Variants in ZDHHC17 observed in about 807,000 individuals in gnomAD.
ZDHHC17 encodes the protein palmitoyltransferase ZDHHC17.
Under a neutral mutation model 90.3 loss-of-function variants are expected in ZDHHC17, and 40 were observed. The ratio of observed to expected loss-of-function variants is 0.44; its 90% CI spans 0.34 to 0.58. ZDHHC17 has a LOEUF of 0.58. Among genes scored for constraint, ZDHHC17 ranks in the 20% least tolerant of loss-of-function variants. The pLI is 0.01. For synonymous variants in ZDHHC17, 235 were observed against 252.4 expected, an observed-to-expected ratio of 0.93 and a Z score of 0.65; for missense variants, 614 against 780.8, an observed-to-expected ratio of 0.79 and a Z score of 2.55.
At chr12:76,768,667 A>G (rs149777193) in intron 1 of ZDHHC17, among the ~76,000 whole-genome samples, 1,683 of 152,306 alleles carry the variant, frequency 0.011, 11 homozygotes, top group Non-Finnish European at 0.017. Flanking sequence ...ATGTTGGTCT[A>G]CTGGTCCAGC....
intron 1 of ZDHHC17, among the ~76,000 whole-genome samples, chr12:76,765,769 C>T (rs201747406): frequency 6.6e-6 from 1 of 152,200 alleles, no homozygotes; most frequent in African/African-American, 2.4e-5. Context: ...GACACGATGA[C>T]AGCTCACTGC....
chr12:76,844,406 A>G (rs1953469620), intron 12 of ZDHHC17: 1 of 152,168 alleles, frequency 6.6e-6, no homozygotes, highest in African/African-American at 2.4e-5. Flanking sequence ...GAGCTTTCTT[A>G]AAAACGAATT....
intron 14 of ZDHHC17, among the ~76,000 whole-genome samples, chr12:76,847,168 T>C (rs1396631256): frequency 6.6e-6 from 1 of 152,250 alleles, no homozygotes; most frequent in Admixed American, 6.5e-5. Flanking sequence ...AATAAGTTGT[T>C]ATTCCATCAT....
At chr12:76,764,804 T>A (rs1024746435) in intron 1 of ZDHHC17, 1 of 456,986 alleles carries the variant, frequency 2.2e-6, no homozygotes, top group African/African-American at 2.0e-5. Flanking sequence ...CATAGTGATG[T>A]CCTTCCAGGT....
intron 1 of ZDHHC17, among the ~76,000 whole-genome samples, chr12:76,782,369 C>G (rs2369350): frequency 0.14 from 21,868 of 152,110 alleles, 1,956 homozygotes; most frequent in Non-Finnish European, 0.2. Context: ...TTATGGAAGG[C>G]CCAGAGACTG....
chr12:76,826,873 T>C, intron 8 of ZDHHC17, 35 bp from the exon 9 acceptor site: 1 of 1,493,936 alleles, frequency 6.7e-7, no homozygotes, highest in Non-Finnish European at 8.8e-7. Flanking sequence ...ACTTGAAACA[T>C]GCAAAAACTT....
intron 8 of ZDHHC17, 116 bp downstream of exon 8, chr12:76,822,647 C>T (rs995433950): frequency 2.9e-5 from 22 of 769,772 alleles, no homozygotes; most frequent in Non-Finnish European, 3.2e-5. Flanking sequence ...CCCTGCCTCT[C>T]GGTTTAAAGT....
Position 76,853,284 on chromosome 12 carries a change from T to C in ZDHHC17, c.*2299T>C, listed in dbSNP as rs1953585989. The C allele has an allele frequency of 2.0e-5, 3 of 152,424 alleles. No homozygotes were observed. The highest frequency in any genetic ancestry group is 7.2e-5 in the African/African-American group (3 of 41,424). The allele number at this position is 152,424 out of a possible 1,614,324, so 9.4% of individuals were successfully genotyped here. On this transcript the variant is annotated 3_prime_UTR_variant, in exon 17 of 17. Transcript: ENST00000426126. The stretch of plus-strand genomic sequence containing the variant: ...CAGTATACCATCTGTTTAATTATTT[T>C]GTAGGTCCTGTGTGTGGAACCAACT...
chr12:76,849,671 TA>T (rs1367274112), intron 16 of ZDHHC17: 15 of 378,590 alleles, frequency 4.0e-5, no homozygotes, highest in African/African-American at 3.0e-4. Context: ...TATCTCCTTA[TA>T]TTTTTTTCTT....
chr12:76,799,029 C>T (rs1175942068), intron 2 of ZDHHC17, among the ~76,000 whole-genome samples: 5 of 152,202 alleles, frequency 3.3e-5, no homozygotes, highest in South Asian at 4.1e-4. Context: ...CCCAGCTACT[C>T]GGAAGGCTGA....
chr12:76,849,237 G>T, intron 15 of ZDHHC17, 139 bp from the exon 16 acceptor site: 1 of 455,586 alleles, frequency 2.2e-6, no homozygotes, highest in Non-Finnish European at 3.8e-6. Flanking sequence ...GGAGGTGGCG[G>T]GGGTGGAATC....
At chr12:76,823,246 C>T (rs2137779864) in intron 8 of ZDHHC17, among the ~76,000 whole-genome samples, 1 of 152,266 alleles carries the variant, frequency 6.6e-6, no homozygotes, top group East Asian at 1.9e-4. Context: ...TCTTTTTAAA[C>T]TACTCACAAC....
At chr12:76,790,983 AT>A (rs1197375676) in intron 1 of ZDHHC17, among the ~76,000 whole-genome samples, 1 of 152,218 alleles carries the variant, frequency 6.6e-6, no homozygotes, top group Non-Finnish European at 1.5e-5. Context: ...ACACAAAGAA[AT>A]GATCAATGTT....
chr12:76,816,389 A>G (rs1953087476), intron 7 of ZDHHC17, among the ~76,000 whole-genome samples: 1 of 152,010 alleles, frequency 6.6e-6, no homozygotes, highest in African/African-American at 2.4e-5. Flanking sequence ...ATGCAATAAG[A>G]TTCTATTGCT....
chr12:76,770,275 A>T (rs956996241), intron 1 of ZDHHC17, among the ~76,000 whole-genome samples: 3 of 152,224 alleles, frequency 2.0e-5, no homozygotes, highest in African/African-American at 7.2e-5. Context: ...TAGAGTGGCT[A>T]AAATAATTAG....
At chr12:76,780,108 C>A (rs1565762228) in intron 1 of ZDHHC17, among the ~76,000 whole-genome samples, 1 of 152,082 alleles carries the variant, frequency 6.6e-6, no homozygotes, top group Non-Finnish European at 1.5e-5. Flanking sequence ...TCATCTCTTT[C>A]AAAATTGTTT....
intron 10 of ZDHHC17, among the ~76,000 whole-genome samples, chr12:76,837,138 G>T (rs1465222919): frequency 1.3e-5 from 2 of 152,000 alleles, no homozygotes; most frequent in Non-Finnish European, 2.9e-5. Context: ...AATGATTCAG[G>T]TTTTTGTGTT....
chr12:76,798,149 A>T (rs1952845217), intron 2 of ZDHHC17, among the ~76,000 whole-genome samples: 1 of 152,184 alleles, frequency 6.6e-6, no homozygotes, highest in Admixed American at 6.5e-5. Context: ...ATCAGTGTGC[A>T]TCCAATATTC....
chr12:76,818,623 G>A (rs1331569375), intron 7 of ZDHHC17, among the ~76,000 whole-genome samples: 1 of 152,146 alleles, frequency 6.6e-6, no homozygotes, highest in East Asian at 1.9e-4. Flanking sequence ...AGAGACATGT[G>A]GGAAAAAATT....
Sources: allele counts gnomAD v4.1 joint callset (sites outside exome capture counted in the v4.1 genomes callset), GRCh38; gene constraint gnomAD v4.1.1; transcripts MANE v1.5; gene names NCBI Gene and HGNC (gene_info 2026-07-23, HGNC 2026-07-21).